NAA11: variants seen among roughly 807,000 people sequenced by gnomAD.
The protein encoded by NAA11 is N-alpha-acetyltransferase 11.
Under a neutral mutation model 16.1 loss-of-function variants are expected in NAA11, and 15 were observed. That is an observed-to-expected ratio of 0.93 (90% CI 0.62 to 1.44). The LOEUF is 1.44. Among genes scored for constraint, NAA11 ranks in the 40% most tolerant of loss-of-function variants. The probability of loss-of-function intolerance (pLI) is 0.00; values close to 1 mark genes in which losing one functional copy is unlikely to be tolerated. For synonymous variants in NAA11, 122 were observed against 112.4 expected (o/e 1.09, Z -0.54); for missense variants, 298 against 291.3 (o/e 1.02, Z -0.17).
At chr4:79,254,059 C>T (rs964412300) in intron 2 of NAA11, among the ~76,000 whole-genome samples, 1 of 152,204 alleles carries the variant, frequency 6.6e-6, no homozygotes, top group African/African-American at 2.4e-5. Flanking sequence ...AGTGGCAGGC[C>T]TGCCACCCAG....
the NAA11 span, among the ~76,000 whole-genome samples, chr4:79,214,220 T>C: frequency 1.3e-5 from 2 of 152,216 alleles, no homozygotes; most frequent in Admixed American, 1.3e-4. Flanking sequence ...ACTCCTCTAC[T>C]ACTGGAAGGA....
chr4:79,242,601 T>G (rs1415743441), intron 2 of NAA11, among the ~76,000 whole-genome samples: 1 of 152,270 alleles, frequency 6.6e-6, no homozygotes, highest in Non-Finnish European at 1.5e-5. Context: ...TAGTTAATTC[T>G]GTTCATAATC....
chr4:79,170,159 C>T, the NAA11 span, among the ~76,000 whole-genome samples: 5,773 of 152,252 alleles, frequency 0.038, 368 homozygotes, highest in African/African-American at 0.13. Context: ...CAGCTTCATG[C>T]GCATGGGATT....
intron 2 of NAA11, chr4:79,244,641 C>CCTCCCCATCTCCCCTCTCCA (rs1721766560): frequency 7.5e-6 from 1 of 134,142 alleles, no homozygotes; most frequent in Non-Finnish European, 1.6e-5. Flanking sequence ...TCCCCCTCCC[C>CCTCCCCATCTCCCCTCTCCA]GTCTCCGTCT....
chr4:79,274,564 C>A (rs533468400), intron 2 of NAA11, among the ~76,000 whole-genome samples: 3 of 152,234 alleles, frequency 2.0e-5, no homozygotes, highest in Admixed American at 2.0e-4. Context: ...AGATTTGCAT[C>A]TTGGCCCTCC....
At chr4:79,267,873 A>G (rs1722387272) in intron 2 of NAA11, among the ~76,000 whole-genome samples, 1 of 152,116 alleles carries the variant, frequency 6.6e-6, no homozygotes, top group South Asian at 2.1e-4. Context: ...TCTGCCTGCC[A>G]TATGTTCATA....
At position 79,303,072 on chromosome 4, in the gene NAA11, CCTTTTATATATATATATATATATATA is replaced by C. The variant is rs1282542291; in HGVS notation, c.*13-8984_*13-8959del. ...CCTTTTCATTCCTGTTCTCTTGAGG[CCTTTTATATATATATATATATATATA>C]TATATATATATATATATATATATAC... is the stretch of plus-strand genomic sequence containing the variant. On this transcript the variant is annotated intron_variant and NMD_transcript_variant, in intron 1 of 2. Coordinates refer to the NAA11 transcript ENST00000511542. Among the ~76,000 whole-genome samples, 203 of 89,080 alleles carry C rather than the reference CCTTTTATATATATATATATATATATA, an allele frequency of 2.3e-3. 1 individual carries two copies. Among genetic ancestry groups the C allele is most frequent in the African/African-American group, 8.2e-3 (180 of 22,016 alleles). The allele number at this position is 89,080 out of a possible 152,430, so 58.4% of individuals were successfully genotyped here.
chr4:79,156,283 A>G, the NAA11 span, among the ~76,000 whole-genome samples: 1 of 152,084 alleles, frequency 6.6e-6, no homozygotes, highest in Non-Finnish European at 1.5e-5. Context: ...TATATATTAG[A>G]TATTAGAGTT....
At chr4:79,193,902 T>C in the NAA11 span, among the ~76,000 whole-genome samples, 7 of 152,220 alleles carry the variant, frequency 4.6e-5, no homozygotes, top group Non-Finnish European at 1.0e-4. Context: ...TTTATTTCAT[T>C]GAGCAGTGGT....
intron 2 of NAA11, among the ~76,000 whole-genome samples, chr4:79,248,468 T>G (rs116164628): frequency 6.6e-6 from 1 of 152,288 alleles, no homozygotes; most frequent in African/African-American, 2.4e-5. Flanking sequence ...TGCCCCCTGC[T>G]GTGCCACCAT....
chr4:79,253,836 G>T (rs1283620196), intron 2 of NAA11, among the ~76,000 whole-genome samples: 3 of 152,212 alleles, frequency 2.0e-5, no homozygotes, highest in African/African-American at 4.8e-5. Context: ...AGACTTTTGA[G>T]TTTGAGAGGA....
At chr4:79,236,678 T>C (rs1223992333) in intron 2 of NAA11, among the ~76,000 whole-genome samples, 1 of 152,152 alleles carries the variant, frequency 6.6e-6, no homozygotes, top group Non-Finnish European at 1.5e-5. Context: ...TGAATTAAAG[T>C]CTTCAAAGTT....
downstream of NAA11, among the ~76,000 whole-genome samples, chr4:79,314,893 C>T (rs56902851): frequency 9.2e-3 from 1,402 of 152,092 alleles, 32 homozygotes; most frequent in African/African-American, 0.032. Flanking sequence ...ATACTATATA[C>T]ACTTTTTTGT....
At chr4:79,165,274 G>C in the NAA11 span, among the ~76,000 whole-genome samples, 1 of 152,166 alleles carries the variant, frequency 6.6e-6, no homozygotes, top group Non-Finnish European at 1.5e-5. Flanking sequence ...GCATCACTCT[G>C]TCAACCACAT....
At chr4:79,309,572 A>AT (rs2110009394) in intron 1 of NAA11, among the ~76,000 whole-genome samples, 1 of 152,158 alleles carries the variant, frequency 6.6e-6, no homozygotes, top group East Asian at 1.9e-4. Flanking sequence ...TTAGGAAGAT[A>AT]TTTGTTTTTT....
chr4:79,250,910 C>A (rs1004895320), intron 2 of NAA11, among the ~76,000 whole-genome samples: 3 of 152,028 alleles, frequency 2.0e-5, no homozygotes, highest in Non-Finnish European at 2.9e-5. Context: ...CAAATCAAAC[C>A]ACAATGACAT....
chr4:79,202,647 A>ATATATATATATATATATC, the NAA11 span, among the ~76,000 whole-genome samples: 8 of 126,626 alleles, frequency 6.3e-5, no homozygotes, highest in East Asian at 2.6e-4. Context: ...ATATATATAT[A>ATATATATATATATATATC]TATCTGTGTA....
the NAA11 span, among the ~76,000 whole-genome samples, chr4:79,155,840 A>G: frequency 6.6e-6 from 1 of 152,182 alleles, no homozygotes; most frequent in Admixed American, 6.5e-5. Flanking sequence ...TATACATGCT[A>G]TTGTTTCAGG....
At chr4:79,156,513 A>G in the NAA11 span, among the ~76,000 whole-genome samples, 1 of 152,170 alleles carries the variant, frequency 6.6e-6, no homozygotes, top group Non-Finnish European at 1.5e-5. Flanking sequence ...GGCACAATTA[A>G]TTCTCCTTGC....
Sources: allele counts gnomAD v4.1 joint callset (sites outside exome capture counted in the v4.1 genomes callset), GRCh38; gene constraint gnomAD v4.1.1; transcripts MANE v1.5; gene names NCBI Gene and HGNC (gene_info 2026-07-23, HGNC 2026-07-21).